Variants in ARHGAP10 observed in about 807,000 individuals in gnomAD.
ARHGAP10 encodes the protein rho GTPase-activating protein 10.
A neutral mutation model predicts 108.6 loss-of-function variants in ARHGAP10; 87 were observed. That is an observed-to-expected ratio of 0.80 (90% confidence interval 0.67 to 0.96). The LOEUF (loss-of-function observed/expected upper bound fraction) is 0.96, where lower values mean the gene tolerates loss of function less well. Ranked by LOEUF, ARHGAP10 falls within the 40% of genes least tolerant of loss-of-function variation. The probability of loss-of-function intolerance (pLI) is 0.00; values close to 1 mark genes in which losing one functional copy is unlikely to be tolerated. For missense variants in ARHGAP10, 939 were observed against 954.5 expected (o/e 0.98, Z 0.21); for synonymous variants, 347 against 341.1 (o/e 1.02, Z -0.19).
Position 148,039,615 on chromosome 4 carries a change from A to G in ARHGAP10, c.1868-7277A>G, listed in dbSNP as rs189048773. 6.5e-4 allele frequency among the ~76,000 whole-genome samples: 99 copies of G among 151,736 alleles called. 1 individual carries two copies. The highest frequency in any genetic ancestry group is 3.4e-3 in the Middle Eastern group (1 of 294). ...ACACCCGGCCTAGGATACTACTTCAATTTCCTTCTGCACTTAGCATTGCTG... is the reference window on the plus strand; with the variant it reads ...ACACCCGGCCTAGGATACTACTTCAGTTTCCTTCTGCACTTAGCATTGCTG... On this transcript the variant is annotated intron_variant, in intron 19 of 22. Coordinates refer to ENST00000336498, the MANE Select transcript of ARHGAP10 (RefSeq NM_024605.4).
At chr4:147,766,810 ATATATATATATAT>A (rs1729840713) in intron 1 of ARHGAP10, among the ~76,000 whole-genome samples, 1 of 3,720 alleles carries the variant, frequency 2.7e-4, no homozygotes, top group African/African-American at 3.0e-4. Flanking sequence ...ATATATATAT[ATATATATATATAT>A]ATATATATAT....
At chr4:147,999,635 C>T (rs941498024) in intron 18 of ARHGAP10, among the ~76,000 whole-genome samples, 4 of 152,208 alleles carry the variant, frequency 2.6e-5, no homozygotes, top group African/African-American at 7.2e-5. Flanking sequence ...CTGGGTTCCA[C>T]GGTTCTCTTC....
chr4:148,043,778 A>ATATATGTATATATATGTGTATATATATG (rs1460065713), intron 19 of ARHGAP10, among the ~76,000 whole-genome samples: 1 of 144,640 alleles, frequency 6.9e-6, no homozygotes, highest in Non-Finnish European at 1.5e-5. Context: ...ATATATATGT[A>ATATATGTATATATATGTGTATATATATG]TATATATATG....
At chr4:147,923,428 C>T (rs1737327943) in intron 13 of ARHGAP10, among the ~76,000 whole-genome samples, 1 of 152,150 alleles carries the variant, frequency 6.6e-6, no homozygotes, top group Non-Finnish European at 1.5e-5. Context: ...CTTTTAGTTG[C>T]TATTTTTAAA....
chr4:147,920,155 G>T, intron 13 of ARHGAP10, among the ~76,000 whole-genome samples: 1 of 151,388 alleles, frequency 6.6e-6, no homozygotes, highest in Middle Eastern at 3.4e-3. Flanking sequence ...AGTGGCTCAT[G>T]CCTGTAATCC....
intron 7 of ARHGAP10, among the ~76,000 whole-genome samples, chr4:147,870,928 CTGTG>C (rs57348496): frequency 0.18 from 24,809 of 138,580 alleles, 2,129 homozygotes; most frequent in Middle Eastern, 0.24. Flanking sequence ...AAACTACAGA[CTGTG>C]TGTGTGTGTG....
chr4:147,791,521 CGTGT>C (rs200235578), intron 1 of ARHGAP10, among the ~76,000 whole-genome samples: 4 of 151,608 alleles, frequency 2.6e-5, no homozygotes. Context: ...ATGGTTATTC[CGTGT>C]GTGTGTGTGC....
At chr4:147,924,019 C>T (rs778824717) in intron 13 of ARHGAP10, among the ~76,000 whole-genome samples, 6 of 152,224 alleles carry the variant, frequency 3.9e-5, no homozygotes, top group Non-Finnish European at 5.9e-5. Context: ...GTGAGGTGAG[C>T]GTGGGTGGAA....
chr4:147,769,671 T>C (rs1272280343), intron 1 of ARHGAP10, among the ~76,000 whole-genome samples: 1 of 152,194 alleles, frequency 6.6e-6, no homozygotes, highest in East Asian at 1.9e-4. Flanking sequence ...ATGCCATGTA[T>C]TTATTGTCTT....
intron 18 of ARHGAP10, among the ~76,000 whole-genome samples, chr4:148,017,048 G>A (rs1256656380): frequency 6.6e-6 from 1 of 150,966 alleles, no homozygotes; most frequent in Non-Finnish European, 1.5e-5. Context: ...CCAGCTACTC[G>A]GGAGGCTGAG....
At chr4:147,834,296 C>T (rs1733075192) in intron 3 of ARHGAP10, among the ~76,000 whole-genome samples, 1 of 151,838 alleles carries the variant, frequency 6.6e-6, no homozygotes. Flanking sequence ...TAATGAGACC[C>T]CATTTCTGCA....
At chr4:148,058,001 G>C (rs557899404) in intron 20 of ARHGAP10, among the ~76,000 whole-genome samples, 194 of 152,344 alleles carry the variant, frequency 1.3e-3, no homozygotes, top group Non-Finnish European at 2.1e-3. Flanking sequence ...CTGCACTGCT[G>C]TTGTCCCTCG....
intron 1 of ARHGAP10, among the ~76,000 whole-genome samples, chr4:147,761,012 G>A (rs749714494): frequency 5.4e-4 from 80 of 148,750 alleles, no homozygotes; most frequent in Non-Finnish European, 7.5e-4. Flanking sequence ...GTAAGTTAGA[G>A]TTAACTTTTT....
chr4:147,794,443 G>A (rs988929943), intron 1 of ARHGAP10, among the ~76,000 whole-genome samples: 2 of 152,022 alleles, frequency 1.3e-5, no homozygotes, highest in African/African-American at 4.8e-5. Flanking sequence ...ATATATATGT[G>A]CACTTTTATG....
At chr4:147,753,779 C>T (rs193073101) in intron 1 of ARHGAP10, among the ~76,000 whole-genome samples, 4 of 152,098 alleles carry the variant, frequency 2.6e-5, no homozygotes, top group Admixed American at 6.5e-5. Flanking sequence ...ATGATGCTCA[C>T]GTATTCATGA....
intron 3 of ARHGAP10, 84 bp from the exon 4 acceptor site, chr4:147,847,067 G>T: frequency 9.2e-7 from 1 of 1,087,306 alleles, no homozygotes. Context: ...TTCTGGGTGG[G>T]ATGGAAGAGG....
At chr4:148,024,697 A>G (rs542843075) in intron 19 of ARHGAP10, among the ~76,000 whole-genome samples, 3 of 152,312 alleles carry the variant, frequency 2.0e-5, no homozygotes, top group South Asian at 4.1e-4. Flanking sequence ...CCTTTTAGAC[A>G]CTCATTTCAA....
chr4:147,948,971 A>C (rs1278296641), intron 15 of ARHGAP10, among the ~76,000 whole-genome samples: 2 of 150,946 alleles, frequency 1.3e-5, no homozygotes, highest in African/African-American at 2.4e-5. Context: ...GTCTCAAAAA[A>C]AAAAAAACAA....
At chr4:147,899,063 C>A (rs1291955864) in intron 10 of ARHGAP10, among the ~76,000 whole-genome samples, 6 of 152,154 alleles carry the variant, frequency 3.9e-5, no homozygotes, top group Non-Finnish European at 8.8e-5. Context: ...CACAGAGTAG[C>A]CCATTGGATC....
Sources: allele counts gnomAD v4.1 joint callset (sites outside exome capture counted in the v4.1 genomes callset), GRCh38; gene constraint gnomAD v4.1.1; transcripts MANE v1.5; gene names NCBI Gene and HGNC (gene_info 2026-07-23, HGNC 2026-07-21).